GRIK3: variants seen among roughly 807,000 people sequenced by gnomAD.
GRIK3 encodes glutamate receptor ionotropic, kainate 3.
Under a neutral mutation model 102.5 loss-of-function variants are expected in GRIK3, and 29 were observed. The observed-to-expected ratio is 0.28, with a 90% CI of 0.21 to 0.39. The LOEUF is 0.39. Among genes scored for constraint, GRIK3 ranks in the 10% least tolerant of loss-of-function variants. The pLI, the probability that GRIK3 is intolerant of heterozygous loss-of-function variation, is 1.00. For synonymous variants in GRIK3, 511 were observed against 504.9 expected, an observed-to-expected ratio of 1.01 and a Z score of -0.16; for missense variants, 908 against 1,252.4, an observed-to-expected ratio of 0.73 and a Z score of 4.15.
chr1:36,975,556 G>A (rs1473459273), intron 1 of GRIK3, among the ~76,000 whole-genome samples: 1 of 152,198 alleles, frequency 6.6e-6, no homozygotes, highest in Non-Finnish European at 1.5e-5. Context: ...GCCTCCCAAA[G>A]TGCCGGGATT....
intron 2 of GRIK3, among the ~76,000 whole-genome samples, chr1:36,889,632 AACAACTTGGCAGTTTC>A (rs1641080076): frequency 6.6e-6 from 1 of 152,104 alleles, no homozygotes. Context: ...CCTGCTCACC[AACAACTTGGCAGTTTC>A]ACATAGGGCA....
At chr1:37,023,198 GCA>G (rs753704001) in intron 1 of GRIK3, among the ~76,000 whole-genome samples, 60 of 152,106 alleles carry the variant, frequency 3.9e-4, no homozygotes, top group Admixed American at 1.9e-3. Flanking sequence ...ATGGTGGCAT[GCA>G]CCTGTAGTCC....
At chr1:36,951,618 C>G (rs1257102828) in intron 1 of GRIK3, among the ~76,000 whole-genome samples, 3 of 152,232 alleles carry the variant, frequency 2.0e-5, no homozygotes, top group African/African-American at 7.2e-5. Flanking sequence ...GGCCTTGTTT[C>G]TAGGTGACCA....
intron 1 of GRIK3, among the ~76,000 whole-genome samples, chr1:36,938,984 AAG>A (rs1220951720): frequency 6.6e-6 from 1 of 151,994 alleles, no homozygotes; most frequent in African/African-American, 2.4e-5. Flanking sequence ...ACAAGACGGA[AAG>A]AGAGAGAGAG....
chr1:36,992,195 T>G (rs1478722485), intron 1 of GRIK3, among the ~76,000 whole-genome samples: 1 of 152,134 alleles, frequency 6.6e-6, no homozygotes, highest in East Asian at 1.9e-4. Flanking sequence ...GGGAAAGCAA[T>G]GGAGGTTGAC....
intron 1 of GRIK3, among the ~76,000 whole-genome samples, chr1:36,989,553 A>G (rs768363509): frequency 1.3e-5 from 2 of 152,136 alleles, no homozygotes; most frequent in Non-Finnish European, 2.9e-5. Context: ...AATTGCTTGG[A>G]GTCTGGCATG....
chr1:36,869,422 G>A (rs1408274536), intron 5 of GRIK3, among the ~76,000 whole-genome samples: 2 of 152,136 alleles, frequency 1.3e-5, no homozygotes, highest in Admixed American at 1.3e-4. Context: ...GGTGCTCACA[G>A]TAATCCTAGG....
chr1:36,995,306 C>T lies in GRIK3; in HGVS notation c.115+38688G>A, dbSNP rs141530896. On this transcript the variant is annotated intron_variant, in intron 1 of 15. Transcript: ENST00000373091. Reference sequence around the variant, plus strand: ...ATCATGGTCAGTCCACCACATCTGTCGAAGGAGCAGCCCTTGGGCACCTTT... The same window carrying T: ...ATCATGGTCAGTCCACCACATCTGTTGAAGGAGCAGCCCTTGGGCACCTTT... Among the ~76,000 whole-genome samples the T allele has an allele frequency of 9.9e-5, 15 of 152,278 alleles. 1 individual carries two copies. The Middle Eastern group carries it at 0.014, about 138-fold the overall frequency.
At position 36,940,481 on chromosome 1, in the gene GRIK3, T is replaced by A. The variant is rs187070572; in HGVS notation, c.116-49385A>T. On this transcript the variant is annotated intron_variant, in intron 1 of 15. Coordinates refer to ENST00000373091, the MANE Select transcript of GRIK3 (RefSeq NM_000831.4). ...ACAACCCACTTTCATTTACCCACTT[T>A]ACCCCAGATTTGGATGGTAAATATT... 6.4e-4 allele frequency among the ~76,000 whole-genome samples: 98 copies of A among 152,392 alleles called. 2 individuals are homozygous for A. The highest frequency in any genetic ancestry group is 2.1e-3 in the African/African-American group (86 of 41,600).
intron 2 of GRIK3, among the ~76,000 whole-genome samples, chr1:36,886,250 G>A (rs954142061): frequency 6.6e-6 from 1 of 152,186 alleles, no homozygotes; most frequent in Non-Finnish European, 1.5e-5. Flanking sequence ...GGCAGGTGGT[G>A]CCAGGCTTTA....
In GRIK3 at chr1:36,806,659, T is replaced by C. The variant is rs1642505274; in HGVS notation, c.2092-333A>G. Reference sequence around the variant, plus strand: ...AAGTTAGCACGTTCAGGCTTTGTTCTAAGTGCTCTACCTGCATTAACTCGT... The same window carrying C: ...AAGTTAGCACGTTCAGGCTTTGTTCCAAGTGCTCTACCTGCATTAACTCGT... On this transcript the variant is annotated intron_variant, in intron 13 of 15. Transcript: ENST00000373091. The surrounding 1 kb of genome is among the most constrained non-coding windows in gnomAD (Gnocchi z 4.0). 6.6e-6 allele frequency among the ~76,000 whole-genome samples: 1 copy of C among 152,212 alleles called. No homozygotes were observed. The highest frequency in any genetic ancestry group is 2.4e-5 in the African/African-American group (1 of 41,452).
At chr1:37,024,465 A>ATTATTATTG (rs1265537799) in intron 1 of GRIK3, among the ~76,000 whole-genome samples, 7 of 149,590 alleles carry the variant, frequency 4.7e-5, no homozygotes, top group African/African-American at 1.5e-4. Context: ...TATTATTATT[A>ATTATTATTG]TTATTATTAT....
At chr1:36,871,265 G>A (rs1445919280) in intron 4 of GRIK3, among the ~76,000 whole-genome samples, 1 of 152,192 alleles carries the variant, frequency 6.6e-6, no homozygotes, top group Non-Finnish European at 1.5e-5. Flanking sequence ...CCTTTGTGAG[G>A]AGCCAGGGAT....
chr1:37,002,293 C>G (rs906895229), intron 1 of GRIK3, among the ~76,000 whole-genome samples: 1 of 152,176 alleles, frequency 6.6e-6, no homozygotes, highest in Non-Finnish European at 1.5e-5. Context: ...GTCAAAGAAG[C>G]CTGATGATGG....
At chr1:36,955,952 T>G (rs1187469692) in intron 1 of GRIK3, among the ~76,000 whole-genome samples, 1 of 152,196 alleles carries the variant, frequency 6.6e-6, no homozygotes, top group East Asian at 1.9e-4. Context: ...TCAGACCAGA[T>G]TCTCAGAACT....
At chr1:36,998,061 C>CTGAA (rs895945141) in intron 1 of GRIK3, among the ~76,000 whole-genome samples, 2 of 152,194 alleles carry the variant, frequency 1.3e-5, no homozygotes, top group African/African-American at 4.8e-5. Flanking sequence ...GACTGACTGA[C>CTGAA]TGACTGAATG....
rs537800862 is a variant in GRIK3, at chr1:36,872,956, C to T, written c.551-587G>A. On this transcript the variant is annotated intron_variant, in intron 3 of 15. Transcript: ENST00000373091. The surrounding 1 kb of genome is among the most constrained non-coding windows in gnomAD (Gnocchi z 5.9). The stretch of plus-strand genomic sequence containing the variant: ...TAAGGCCAGGAGGTATTTGTGTCTC[C>T]GCCCTCGTCCTCACTAAGGGCAGTC... Among the ~76,000 whole-genome samples the T allele has an allele frequency of 3.9e-5, 6 of 152,344 alleles. No individual in the cohort carries two copies. The highest frequency in any genetic ancestry group is 9.6e-5 in the African/African-American group (4 of 41,576).
intron 3 of GRIK3, among the ~76,000 whole-genome samples, chr1:36,874,189 CCA>C (rs1000572165): frequency 5.3e-5 from 8 of 152,194 alleles, no homozygotes; most frequent in Non-Finnish European, 7.3e-5. Context: ...GCAGAGAATC[CCA>C]GTTTCCAAAA....
intron 1 of GRIK3, among the ~76,000 whole-genome samples, chr1:36,935,356 C>T (rs971641954): frequency 6.6e-6 from 1 of 152,140 alleles, no homozygotes; most frequent in African/African-American, 2.4e-5. Context: ...TAGAAGGTCA[C>T]CATAGACTGT....
Sources: gnomAD v4.1 joint callset for allele counts (sites outside exome capture counted in the v4.1 genomes callset) on GRCh38, gnomAD v4.1.1 for gene constraint, Gnocchi (gnomAD v3.1) non-coding constraint, MANE v1.5 for transcripts, NCBI Gene and HGNC (gene_info 2026-07-23, HGNC 2026-07-21) for gene names.